HCN1: variants seen among roughly 807,000 people sequenced by gnomAD.
HCN1 encodes hyperpolarization activated cyclic nucleotide gated potassium channel 1.
In HCN1, 13 loss-of-function variants were observed where a neutral mutation model predicts 78.9. The observed-to-expected ratio is 0.16, with a 90% CI of 0.11 to 0.26. HCN1 has a LOEUF of 0.26. HCN1 is among the 10% of genes least tolerant of loss of function. The probability of loss-of-function intolerance (pLI) is 1.00; values close to 1 mark genes in which losing one functional copy is unlikely to be tolerated. For synonymous variants in HCN1, 552 were observed against 455.5 expected (o/e 1.21, Z -2.70); for missense variants, 810 against 1,154.3 (o/e 0.70, Z 4.32).
intron 5 of HCN1, among the ~76,000 whole-genome samples, chr5:45,319,370 C>A (rs1277837469): frequency 1.3e-5 from 2 of 151,860 alleles, no homozygotes; most frequent in Non-Finnish European, 2.9e-5. Flanking sequence ...TATCATTTAG[C>A]CATTGGTGGG....
chr5:45,647,917 T>G (rs1339347339), intron 1 of HCN1, among the ~76,000 whole-genome samples: 1 of 152,218 alleles, frequency 6.6e-6, no homozygotes, highest in Non-Finnish European at 1.5e-5. Flanking sequence ...ATTTGCACTT[T>G]ACTATTCCCA....
At chr5:45,293,377 C>T (rs547554561) in intron 6 of HCN1, among the ~76,000 whole-genome samples, 7 of 151,948 alleles carry the variant, frequency 4.6e-5, no homozygotes, top group Non-Finnish European at 8.8e-5. Context: ...GTGGTATACA[C>T]CTGTAGTCCC....
chr5:45,524,626 A>T (rs1742691228), intron 2 of HCN1, among the ~76,000 whole-genome samples: 1 of 152,008 alleles, frequency 6.6e-6, no homozygotes, highest in African/African-American at 2.4e-5. Context: ...GCAATTGTGA[A>T]TGGGCGTTCA....
intron 6 of HCN1, among the ~76,000 whole-genome samples, chr5:45,293,717 G>A (rs1189429548): frequency 6.6e-6 from 1 of 151,686 alleles, no homozygotes; most frequent in African/African-American, 2.4e-5. Context: ...CAGATATTTG[G>A]CATTGATTCA....
intron 2 of HCN1, among the ~76,000 whole-genome samples, chr5:45,545,145 C>G (rs1204182063): frequency 8.5e-5 from 13 of 152,296 alleles, no homozygotes; most frequent in Admixed American, 2.0e-4. Flanking sequence ...GCCATTCTAA[C>G]TGGTGTGAGA....
chr5:45,299,550 G>A (rs1347256393), intron 6 of HCN1, among the ~76,000 whole-genome samples: 1 of 151,614 alleles, frequency 6.6e-6, no homozygotes, highest in Non-Finnish European at 1.5e-5. Context: ...TTTGGCATTG[G>A]CATCAAATTT....
At chr5:45,369,993 A>G (rs1335419701) in intron 4 of HCN1, among the ~76,000 whole-genome samples, 2 of 151,958 alleles carry the variant, frequency 1.3e-5, no homozygotes, top group Non-Finnish European at 2.9e-5. Flanking sequence ...CTGATGTATG[A>G]CTGGAATTGT....
chr5:45,417,922 G>A (rs1740150251), intron 3 of HCN1, among the ~76,000 whole-genome samples: 1 of 151,718 alleles, frequency 6.6e-6, no homozygotes, highest in Non-Finnish European at 1.5e-5. Context: ...TAAAAAGATA[G>A]AAAAACGTGT....
At chr5:45,306,756 C>A (rs1458401374) in intron 5 of HCN1, among the ~76,000 whole-genome samples, 1 of 151,992 alleles carries the variant, frequency 6.6e-6, no homozygotes, top group Non-Finnish European at 1.5e-5. Context: ...AATGTCAATT[C>A]AAATTACTTA....
chr5:45,314,725 C>A (rs1745940738), intron 5 of HCN1, among the ~76,000 whole-genome samples: 3 of 151,940 alleles, frequency 2.0e-5, no homozygotes, highest in Admixed American at 2.0e-4. Context: ...GAAGATCTAC[C>A]AAGCAAATAG....
chr5:45,505,698 C>T (rs1742283611), intron 2 of HCN1, among the ~76,000 whole-genome samples: 1 of 151,866 alleles, frequency 6.6e-6, no homozygotes, highest in South Asian at 2.1e-4. Context: ...AATGAAAATG[C>T]CAACTAGAAA....
chr5:45,424,239 G>T (rs1045873329), intron 3 of HCN1, among the ~76,000 whole-genome samples: 30 of 151,968 alleles, frequency 2.0e-4, no homozygotes, highest in African/African-American at 6.3e-4. Context: ...CTTGCCTTGG[G>T]CAGAGATCGC....
chr5:45,643,881 C>A (rs935883787), intron 2 of HCN1: 1 of 152,110 alleles, frequency 6.6e-6, no homozygotes, highest in African/African-American at 2.4e-5. Flanking sequence ...GAGAACTGAA[C>A]ATTTATTCCA....
At chr5:45,334,279 G>A (rs79307850) in intron 5 of HCN1, among the ~76,000 whole-genome samples, 1,772 of 151,764 alleles carry the variant, frequency 0.012, 36 homozygotes, top group African/African-American at 0.04. Context: ...TGGAAATACA[G>A]GCATGTTTTC....
intron 4 of HCN1, among the ~76,000 whole-genome samples, chr5:45,357,511 T>A (rs749881626): frequency 6.6e-6 from 1 of 152,088 alleles, no homozygotes; most frequent in Non-Finnish European, 1.5e-5. Flanking sequence ...TCCGCCTCCT[T>A]TTCGTTGATC....
At chr5:45,444,941 C>T (rs962887513) in intron 3 of HCN1, among the ~76,000 whole-genome samples, 2 of 152,156 alleles carry the variant, frequency 1.3e-5, no homozygotes, top group Non-Finnish European at 2.9e-5. Flanking sequence ...AGTCTACAAG[C>T]TCCCAGCCTG....
At chr5:45,406,873 A>C (rs1433677868) in intron 3 of HCN1, among the ~76,000 whole-genome samples, 1 of 152,170 alleles carries the variant, frequency 6.6e-6, no homozygotes, top group Non-Finnish European at 1.5e-5. Flanking sequence ...AGATAGTTTG[A>C]CCTTAAAATT....
chr5:45,294,319 A>G (rs1354538295), intron 6 of HCN1, among the ~76,000 whole-genome samples: 4 of 152,060 alleles, frequency 2.6e-5, no homozygotes, highest in Non-Finnish European at 5.9e-5. Flanking sequence ...TCCTAAATAC[A>G]TACATTAACT....
At chr5:45,312,600 G>C (rs1745874472) in intron 5 of HCN1, among the ~76,000 whole-genome samples, 1 of 152,184 alleles carries the variant, frequency 6.6e-6, no homozygotes, top group South Asian at 2.1e-4. Context: ...AAGGAGTCAG[G>C]GAATTCCCTT....
Sources: allele counts gnomAD v4.1 joint callset (sites outside exome capture counted in the v4.1 genomes callset), GRCh38; gene constraint gnomAD v4.1.1; transcripts MANE v1.5; gene names NCBI Gene and HGNC (gene_info 2026-07-23, HGNC 2026-07-21).